The following ZRANB1 variants were observed in gnomAD, a reference collection of about 807,000 sequenced individuals.
The protein encoded by ZRANB1 is zinc finger RANBP2-type containing 1.
Under a neutral mutation model 80.5 loss-of-function variants are expected in ZRANB1, and 16 were observed. The observed-to-expected ratio is 0.20, with a 90% confidence interval of 0.13 to 0.30. The LOEUF is 0.30. Among genes scored for constraint, ZRANB1 ranks in the 10% least tolerant of loss-of-function variants. ZRANB1 has a pLI of 1.00. For synonymous variants in ZRANB1, 291 were observed against 293.1 expected, an observed-to-expected ratio of 0.99 and a Z score of 0.07; for missense variants, 576 against 862.6, an observed-to-expected ratio of 0.67 and a Z score of 4.16.
At position 124,976,861 on chromosome 10, in the gene ZRANB1, C is replaced by T. The variant is rs369755149; in HGVS notation, c.1427+2463C>T. 9.3e-5 allele frequency among the ~76,000 whole-genome samples: 14 copies of T among 150,448 alleles called. No homozygotes were observed. In the East Asian group the frequency reaches 2.0e-3, roughly 22 times the overall value. On this transcript the variant is annotated intron_variant, in intron 5 of 8. Coordinates refer to ENST00000359653, the MANE Select transcript of ZRANB1 (RefSeq NM_017580.3). ...TGCTAGGATTACAGGCGTGAGCCAC[C>T]GCGCCTGGCCTTTTCTTTGGTGGTA...
intron 1 of ZRANB1, among the ~76,000 whole-genome samples, chr10:124,956,450 ATTC>A (rs1951688382): frequency 6.6e-6 from 1 of 152,022 alleles, no homozygotes; most frequent in Non-Finnish European, 1.5e-5. Flanking sequence ...TTTCCCTGTC[ATTC>A]TTTTATTTTA....
Position 124,966,672 on chromosome 10 carries a change from A to G in ZRANB1, c.893A>G (p.Asp298Gly), listed in dbSNP as rs778904631. 12 of 1,614,092 alleles carry G rather than the reference A, an allele frequency of 7.4e-6. No homozygotes were observed. The highest frequency in any genetic ancestry group is 1.3e-5 in the African/African-American group (1 of 74,930). The change falls in exon 2 of 9, where the codon GAT (aspartate) becomes GGT (glycine). Residue 298 changes from aspartate to glycine, a missense_variant. Coordinates refer to ENST00000359653, the MANE Select transcript of ZRANB1 (RefSeq NM_017580.3). ...GACATTGCACGTCAGCTCACCGCAGATGAAGTACGCTTGCTGAATCGTCCT... is the reference window on the plus strand; with the variant it reads ...GACATTGCACGTCAGCTCACCGCAGGTGAAGTACGCTTGCTGAATCGTCCT... ...GGDIARQLTA[D>G]EVRLLNRPSA...
chr10:124,922,336 ATT>A, the ZRANB1 span, among the ~76,000 whole-genome samples: 11 of 44,774 alleles, frequency 2.5e-4, no homozygotes, highest in African/African-American at 5.4e-4. Context: ...GTATATATAT[ATT>A]TTTTTTTTAA....
chr10:124,923,182 G>A, the ZRANB1 span, among the ~76,000 whole-genome samples: 6 of 152,162 alleles, frequency 3.9e-5, no homozygotes, highest in Admixed American at 2.6e-4. Context: ...AGTTACTCGG[G>A]AGGCTGAGGC....
chr10:124,965,584 A>G (rs1013952554), intron 1 of ZRANB1, among the ~76,000 whole-genome samples: 6 of 152,256 alleles, frequency 3.9e-5, no homozygotes, highest in Non-Finnish European at 2.9e-5. Flanking sequence ...CAAGATGGCA[A>G]TTAAAATACT....
chr10:124,920,608 A>G, the ZRANB1 span, among the ~76,000 whole-genome samples: 1 of 151,862 alleles, frequency 6.6e-6, no homozygotes, highest in East Asian at 1.9e-4. Context: ...GCTTTATGCC[A>G]TTCTTTCTGT....
the ZRANB1 span, chr10:124,917,279 G>C: frequency 4.3e-4 from 66 of 152,306 alleles, no homozygotes; most frequent in Non-Finnish European, 7.5e-4. Context: ...CCAGGTAACC[G>C]GGCCCCGGGG....
the ZRANB1 span, among the ~76,000 whole-genome samples, chr10:124,918,402 C>G: frequency 6.6e-6 from 1 of 152,210 alleles, no homozygotes; most frequent in Non-Finnish European, 1.5e-5. Flanking sequence ...GTTGGTCAGG[C>G]TGGTCTCGCA....
chr10:124,926,062 CAT>C, the ZRANB1 span, among the ~76,000 whole-genome samples: 16 of 152,086 alleles, frequency 1.1e-4, no homozygotes, highest in South Asian at 2.7e-3. Context: ...TAAACATAAA[CAT>C]AGAAAAAGCA....
At chr10:124,960,661 T>G (rs187644138) in intron 1 of ZRANB1, among the ~76,000 whole-genome samples, 2 of 152,284 alleles carry the variant, frequency 1.3e-5, no homozygotes, top group East Asian at 3.9e-4. Flanking sequence ...CTCTAAGCGA[T>G]TCTCCTGCCT....
chr10:124,981,843 A>C lies in ZRANB1; in HGVS notation c.1548+14A>C. On this transcript the variant is annotated intron_variant, in intron 6 of 8. Transcript: ENST00000359653. ...CTTGCTAGTCAGGTGAGGATGCTTC[A>C]AGTCTTGTTGCTTCTATGAGAAAAG... 6.2e-7 allele frequency: 1 copy of C among 1,612,678 alleles called. No homozygotes were observed. The highest frequency in any genetic ancestry group is 8.5e-7 in the Non-Finnish European group (1 of 1,179,562).
At chr10:124,947,866 G>A (rs1177732010) in intron 1 of ZRANB1, among the ~76,000 whole-genome samples, 1 of 151,982 alleles carries the variant, frequency 6.6e-6, no homozygotes, top group Non-Finnish European at 1.5e-5. Context: ...CCTTGCCTTT[G>A]CCCTCCGTAC....
chr10:124,971,874 G>T, intron 2 of ZRANB1, 91 bp from the exon 3 acceptor site: 2 of 1,259,658 alleles, frequency 1.6e-6, no homozygotes, highest in Non-Finnish European at 2.1e-6. Flanking sequence ...TTGAGTTATT[G>T]GGAAATTTTG....
At chr10:124,950,072 CAT>C (rs572455728) in intron 1 of ZRANB1, among the ~76,000 whole-genome samples, 73 of 152,218 alleles carry the variant, frequency 4.8e-4, no homozygotes, top group African/African-American at 1.7e-3. Flanking sequence ...AGAATTTTGA[CAT>C]GTCTGTAAAG....
chr10:124,925,901 GT>G, the ZRANB1 span, among the ~76,000 whole-genome samples: 2 of 152,164 alleles, frequency 1.3e-5, no homozygotes, highest in Non-Finnish European at 2.9e-5. Context: ...ACATCATAGA[GT>G]CTACTTAGAC....
At chr10:124,917,181 T>TGCCGCC in the ZRANB1 span, 1,105 of 168,574 alleles carry the variant, frequency 6.6e-3, 7 homozygotes, top group African/African-American at 0.019. Context: ...GAGTCGCCGC[T>TGCCGCC]GCCGCCGCCG....
At chr10:124,919,047 AT>A in the ZRANB1 span, among the ~76,000 whole-genome samples, 3 of 152,142 alleles carry the variant, frequency 2.0e-5, no homozygotes, top group African/African-American at 7.2e-5. Flanking sequence ...ATGGTAATAT[AT>A]TTTAAGCTCA....
chr10:124,971,443 T>TGGTA (rs1951824309), intron 2 of ZRANB1, among the ~76,000 whole-genome samples: 1 of 152,006 alleles, frequency 6.6e-6, no homozygotes, highest in Non-Finnish European at 1.5e-5. Context: ...AACTCAAGAG[T>TGGTA]GGTAACAAAT....
intron 1 of ZRANB1, 134 bp downstream of exon 1, chr10:124,943,441 T>C: frequency 3.8e-6 from 3 of 791,656 alleles, no homozygotes; most frequent in South Asian, 3.7e-5. Flanking sequence ...GAGGCTGTAG[T>C]ATGCCATGAT....
Sources: gnomAD v4.1 joint callset for allele counts (sites outside exome capture counted in the v4.1 genomes callset) on GRCh38, gnomAD v4.1.1 for gene constraint, MANE v1.5 for transcripts, NCBI Gene and HGNC (gene_info 2026-07-23, HGNC 2026-07-21) for gene names.